PLA2G4A: variants seen among roughly 807,000 people sequenced by gnomAD.
The protein encoded by PLA2G4A is phospholipase A2 group IVA.
PLA2G4A carries 40 observed loss-of-function variants against 81.9 expected under a neutral mutation model. That is an observed-to-expected ratio of 0.49 (90% CI 0.38 to 0.64). PLA2G4A has a LOEUF of 0.64. Among genes scored for constraint, PLA2G4A ranks in the 30% least tolerant of loss-of-function variants. PLA2G4A has a pLI of 0.00. For missense variants in PLA2G4A, 715 were observed against 905.1 expected, an observed-to-expected ratio of 0.79 and a Z score of 2.69; for synonymous variants, 302 against 296.9, an observed-to-expected ratio of 1.02 and a Z score of -0.18.
At chr1:186,937,984 T>C (rs1489654087) in intron 8 of PLA2G4A, among the ~76,000 whole-genome samples, 1 of 152,064 alleles carries the variant, frequency 6.6e-6, no homozygotes, top group Non-Finnish European at 1.5e-5. Context: ...ACCATTATAG[T>C]AGACATTTTG....
intron 1 of PLA2G4A, among the ~76,000 whole-genome samples, chr1:186,838,678 A>C (rs1651874689): frequency 6.6e-6 from 1 of 151,932 alleles, no homozygotes; most frequent in Non-Finnish European, 1.5e-5. Flanking sequence ...TTGTCCTTTG[A>C]AGTTCTGAAT....
At chr1:186,927,148 C>G (rs1467972362) in intron 7 of PLA2G4A, among the ~76,000 whole-genome samples, 1 of 152,194 alleles carries the variant, frequency 6.6e-6, no homozygotes, top group Non-Finnish European at 1.5e-5. Context: ...CCTTTGCATT[C>G]AGCTGCGATT....
intron 3 of PLA2G4A, among the ~76,000 whole-genome samples, chr1:186,878,107 T>C (rs982638954): frequency 6.8e-6 from 1 of 146,962 alleles, no homozygotes; most frequent in African/African-American, 2.5e-5. Flanking sequence ...TTCTGATATA[T>C]TTTATATATA....
intron 3 of PLA2G4A, among the ~76,000 whole-genome samples, chr1:186,882,916 G>C (rs1455375446): frequency 2.0e-5 from 3 of 151,972 alleles, no homozygotes; most frequent in Non-Finnish European, 4.4e-5. Flanking sequence ...CGTGTTTCTA[G>C]GCCAGACGGT....
intron 3 of PLA2G4A, among the ~76,000 whole-genome samples, chr1:186,888,122 G>T (rs1296561806): frequency 1.3e-5 from 2 of 152,162 alleles, no homozygotes; most frequent in African/African-American, 4.8e-5. Flanking sequence ...ATTTTAGAAA[G>T]CTGACTTACT....
intron 2 of PLA2G4A, among the ~76,000 whole-genome samples, chr1:186,856,311 AT>A (rs1457968925): frequency 6.7e-6 from 1 of 149,800 alleles, no homozygotes; most frequent in Non-Finnish European, 1.5e-5. Flanking sequence ...ATATATACAT[AT>A]TTTATATGTA....
intron 3 of PLA2G4A, among the ~76,000 whole-genome samples, chr1:186,887,125 A>G (rs1395714288): frequency 1.3e-5 from 2 of 152,128 alleles, no homozygotes; most frequent in Non-Finnish European, 2.9e-5. Context: ...ATTGAACCAT[A>G]GGTATTCAGA....
chr1:186,901,092 A>G (rs1387918130), intron 5 of PLA2G4A, among the ~76,000 whole-genome samples: 3 of 152,168 alleles, frequency 2.0e-5, no homozygotes, highest in Non-Finnish European at 4.4e-5. Flanking sequence ...CAAAGAGGGC[A>G]ATTTACGTAA....
At chr1:186,853,761 A>C (rs1280811546) in intron 1 of PLA2G4A, among the ~76,000 whole-genome samples, 1 of 151,936 alleles carries the variant, frequency 6.6e-6, no homozygotes, top group African/African-American at 2.4e-5. Context: ...AACTGCTTCC[A>C]AATTAAACTG....
At chr1:186,962,221 G>T (rs1480255396) in intron 14 of PLA2G4A, among the ~76,000 whole-genome samples, 1 of 151,530 alleles carries the variant, frequency 6.6e-6, no homozygotes, top group Admixed American at 6.6e-5. Flanking sequence ...ATCTCTTACT[G>T]TGCCTAATTT....
intron 1 of PLA2G4A, among the ~76,000 whole-genome samples, chr1:186,852,872 G>A (rs1331484635): frequency 6.6e-6 from 1 of 151,886 alleles, no homozygotes; most frequent in Non-Finnish European, 1.5e-5. Flanking sequence ...GCAAAACAAA[G>A]ATTATAGTAA....
Position 186,939,190 on chromosome 1 carries a change from A to G in PLA2G4A, c.878A>G (p.Asp293Gly). The change falls in exon 9 of 18, where the codon GAT becomes GGT. Residue 293 changes from aspartate (D) to glycine (G), a missense_variant. Physicochemically the swap from Asp to Gly is moderately conservative, Grantham distance 94. Transcript: ENST00000367466. Reference protein sequence around the residue: ...KSSGQPVTFTDIFGMLIGETL... With the variant: ...KSSGQPVTFTGIFGMLIGETL... ...TCTGGACAACCTGTCACCTTTACTG[A>G]TATCTTTGGGATGTTAATAGGAGAA... 1 of 1,604,228 alleles carries G rather than the reference A, an allele frequency of 6.2e-7. No individual in the cohort carries two copies. Among genetic ancestry groups the G allele is most frequent in the Non-Finnish European group, 8.5e-7 (1 of 1,171,250 alleles).
At chr1:186,914,664 A>G (rs1043393149) in intron 7 of PLA2G4A, among the ~76,000 whole-genome samples, 2 of 152,226 alleles carry the variant, frequency 1.3e-5, no homozygotes, top group African/African-American at 4.8e-5. Flanking sequence ...TCTGTAATCT[A>G]TAGATAACAT....
At chr1:186,934,733 G>A (rs1165809077) in intron 8 of PLA2G4A, among the ~76,000 whole-genome samples, 1 of 151,884 alleles carries the variant, frequency 6.6e-6, no homozygotes, top group African/African-American at 2.4e-5. Context: ...TGTATGTGGT[G>A]TAGGGGAGGG....
At chr1:186,931,971 C>T (rs1484913169) in intron 7 of PLA2G4A, among the ~76,000 whole-genome samples, 1 of 152,150 alleles carries the variant, frequency 6.6e-6, no homozygotes, top group African/African-American at 2.4e-5. Context: ...GTTAAAGATG[C>T]TCTCTGTAAA....
chr1:186,941,452 T>C (rs1052987651), intron 10 of PLA2G4A, among the ~76,000 whole-genome samples: 15 of 152,228 alleles, frequency 9.9e-5, no homozygotes, highest in African/African-American at 3.6e-4. Flanking sequence ...ATGCTTATGG[T>C]TCAGAACGCA....
chr1:186,878,489 T>C (rs989816432), intron 3 of PLA2G4A, among the ~76,000 whole-genome samples: 5 of 151,616 alleles, frequency 3.3e-5, no homozygotes, highest in Admixed American at 6.6e-5. Context: ...CTAAGTATAA[T>C]GAAATTGTTT....
intron 12 of PLA2G4A, among the ~76,000 whole-genome samples, chr1:186,948,198 C>T (rs1307002664): frequency 6.6e-6 from 1 of 151,972 alleles, no homozygotes; most frequent in East Asian, 1.9e-4. Context: ...GAAAAGTTAT[C>T]TTATAATTTC....
intron 2 of PLA2G4A, among the ~76,000 whole-genome samples, chr1:186,864,813 C>T (rs1250775399): frequency 1.3e-5 from 2 of 151,290 alleles, no homozygotes; most frequent in Non-Finnish European, 2.9e-5. Flanking sequence ...CAACTATAGG[C>T]CAGGTGTGGT....
Sources: allele counts gnomAD v4.1 joint callset (sites outside exome capture counted in the v4.1 genomes callset), GRCh38; gene constraint gnomAD v4.1.1; transcripts MANE v1.5; gene names NCBI Gene and HGNC (gene_info 2026-07-23, HGNC 2026-07-21).